ITGB6: variants seen among roughly 807,000 people sequenced by gnomAD.
ITGB6 encodes the protein integrin beta-6.
Under a neutral mutation model 84.5 loss-of-function variants are expected in ITGB6, and 80 were observed. The observed-to-expected ratio is 0.95, with a 90% CI of 0.79 to 1.14. The LOEUF is 1.14. Among genes scored for constraint, ITGB6 ranks in the 50% most tolerant of loss-of-function variants. The pLI is 0.00. For synonymous variants in ITGB6, 383 were observed against 354.9 expected, an observed-to-expected ratio of 1.08 and a Z score of -0.89; for missense variants, 1,006 against 968.0, an observed-to-expected ratio of 1.04 and a Z score of -0.52.
chr2:160,197,587 C>A (rs1181890995), intron 2 of ITGB6, among the ~76,000 whole-genome samples: 1 of 152,216 alleles, frequency 6.6e-6, no homozygotes, highest in Non-Finnish European at 1.5e-5. Flanking sequence ...GAACTCCAAG[C>A]CACTCTTGCT....
chr2:160,196,485 A>G, intron 2 of ITGB6, 65 bp from the exon 3 acceptor site: 1 of 1,388,638 alleles, frequency 7.2e-7, no homozygotes, highest in Non-Finnish European at 1.0e-6. Flanking sequence ...TTTATAAGAT[A>G]CCAGCAATTG....
In ITGB6 at chr2:160,173,886, G is replaced by T. The variant is rs530621657; in HGVS notation, c.759+88C>A. ...ATAGAAATTTAGAGATCAAAGGAAA[G>T]GAAATTAGCTAATCTTTTTGAAGTA... is the stretch of plus-strand genomic sequence containing the variant. On this transcript the variant is annotated intron_variant, in intron 5 of 14. Coordinates refer to ENST00000283249, the MANE Select transcript of ITGB6 (RefSeq NM_000888.5). 20 of 1,169,726 alleles carry T rather than the reference G, an allele frequency of 1.7e-5. No homozygotes were observed. In the African/African-American group the frequency reaches 2.4e-4, roughly 14 times the overall value. 72.5% of individuals were successfully genotyped at this position (1,169,726 alleles called of 1,614,324 possible). A position where few individuals can be genotyped will look rare whatever the true frequency, so the allele number is the denominator to read the frequency against.
At chr2:160,148,592 A>G (rs1458976132) in intron 7 of ITGB6, among the ~76,000 whole-genome samples, 1 of 152,150 alleles carries the variant, frequency 6.6e-6, no homozygotes, top group East Asian at 1.9e-4. Flanking sequence ...TCTCATTGGG[A>G]CTGGCTGGAC....
intron 12 of ITGB6, among the ~76,000 whole-genome samples, chr2:160,119,679 A>G (rs1232856989): frequency 1.3e-5 from 2 of 152,134 alleles, no homozygotes; most frequent in African/African-American, 4.8e-5. Flanking sequence ...ATCTAATTAA[A>G]CTAAAGGGCT....
At position 160,137,731 on chromosome 2, in the gene ITGB6, C is replaced by T. The variant is rs201552904; in HGVS notation, c.1363G>A (p.Asp455Asn). ...TTCACTTCCACTTCTTTCTGACAGT[C>T]GCAGTTGCATTCTGGGCTGACAAGT... ...ELLVSPECNCDCQKEVEVNSS... is the reference protein window; with the variant it reads ...ELLVSPECNCNCQKEVEVNSS... Residue 455 changes from aspartate to asparagine, a missense_variant, in exon 10 of 15, where the codon GAC (aspartate) becomes AAC (asparagine). Coordinates refer to ENST00000283249, the MANE Select transcript of ITGB6 (RefSeq NM_000888.5). 1.2e-4 allele frequency: 197 copies of T among 1,614,176 alleles called. No individual in the cohort carries two copies. The highest frequency in any genetic ancestry group is 4.4e-5 in the South Asian group (4 of 91,068).
Position 160,133,650 on chromosome 2 carries a change from G to T in ITGB6, c.1660+3784C>A, listed in dbSNP as rs972269275. ...CCTATTCCAAAATTGACCACATAGT[G>T]GGAAGTAAAGCACTCCTCAGCAAAT... On this transcript the variant is annotated intron_variant, in intron 10 of 14. Coordinates refer to ENST00000283249, the MANE Select transcript of ITGB6 (RefSeq NM_000888.5). Among the ~76,000 whole-genome samples, 11 of 152,082 alleles carry T rather than the reference G, an allele frequency of 7.2e-5. No homozygotes were observed. The South Asian group carries it at 1.5e-3, about 20-fold the overall frequency.
intron 4 of ITGB6, among the ~76,000 whole-genome samples, chr2:160,188,212 G>A (rs193095279): frequency 6.6e-6 from 1 of 152,076 alleles, no homozygotes; most frequent in Non-Finnish European, 1.5e-5. Context: ...ACAATTATAA[G>A]GTTTGGTTTG....
At chr2:160,133,258 C>T (rs1481592606) in intron 10 of ITGB6, among the ~76,000 whole-genome samples, 1 of 152,080 alleles carries the variant, frequency 6.6e-6, no homozygotes, top group Non-Finnish European at 1.5e-5. Context: ...GCAGGGGTTG[C>T]AATCCTAGTC....
intron 12 of ITGB6, among the ~76,000 whole-genome samples, chr2:160,119,513 A>T (rs1412261541): frequency 4.0e-5 from 6 of 151,828 alleles, no homozygotes; most frequent in Admixed American, 2.6e-4. Context: ...ACAAAAATTA[A>T]TTCAAGATGG....
intron 7 of ITGB6, among the ~76,000 whole-genome samples, chr2:160,163,074 A>C (rs982684208): frequency 6.6e-6 from 1 of 152,148 alleles, no homozygotes; most frequent in Non-Finnish European, 1.5e-5. Flanking sequence ...AGATGTGCTG[A>C]CCCAATGCAT....
chr2:160,133,620 C>T (rs577855401), intron 10 of ITGB6, among the ~76,000 whole-genome samples: 3 of 147,366 alleles, frequency 2.0e-5, no homozygotes, highest in Non-Finnish European at 4.7e-5. Flanking sequence ...CAGCACCACA[C>T]CACACCTATT....
intron 12 of ITGB6, among the ~76,000 whole-genome samples, chr2:160,119,407 C>T (rs1682931278): frequency 6.6e-6 from 1 of 151,942 alleles, no homozygotes; most frequent in African/African-American, 2.4e-5. Context: ...GAAAAACAAG[C>T]AATGGGGAAA....
chr2:160,188,516 C>T (rs1685996808), intron 4 of ITGB6, among the ~76,000 whole-genome samples: 1 of 152,144 alleles, frequency 6.6e-6, no homozygotes, highest in African/African-American at 2.4e-5. Flanking sequence ...TAATCACACC[C>T]TGTTTTTGTT....
chr2:160,113,764 ATG>A (rs1411043597), intron 12 of ITGB6, among the ~76,000 whole-genome samples: 1 of 152,170 alleles, frequency 6.6e-6, no homozygotes, highest in Non-Finnish European at 1.5e-5. Flanking sequence ...ATTTGGTGAG[ATG>A]TGTGTTATTT....
intron 4 of ITGB6, among the ~76,000 whole-genome samples, chr2:160,178,481 G>A (rs771880874): frequency 8.5e-5 from 13 of 152,114 alleles, no homozygotes; most frequent in South Asian, 2.1e-4. Context: ...AGAATTATCC[G>A]CTATGTAGAT....
intron 12 of ITGB6, among the ~76,000 whole-genome samples, chr2:160,121,445 T>A (rs1158996589): frequency 6.6e-6 from 1 of 152,232 alleles, no homozygotes; most frequent in Non-Finnish European, 1.5e-5. Context: ...TGGAATATAC[T>A]TTGAGAAACA....
chr2:160,189,249 T>C (rs948609247), intron 4 of ITGB6, among the ~76,000 whole-genome samples: 5 of 151,796 alleles, frequency 3.3e-5, no homozygotes, highest in South Asian at 4.2e-4. Context: ...CCATAAAAAC[T>C]CTAGAAGAAA....
At chr2:160,146,098 G>GTGAGGCATGCCCCTCATT (rs72368301) in intron 7 of ITGB6, among the ~76,000 whole-genome samples, 2 of 152,054 alleles carry the variant, frequency 1.3e-5, no homozygotes, top group East Asian at 1.9e-4. Flanking sequence ...TATAGACCAT[G>GTGAGGCATGCCCCTCATT]TGAGGCATGC....
At chr2:160,159,541 T>G (rs187114567) in intron 7 of ITGB6, among the ~76,000 whole-genome samples, 3 of 152,292 alleles carry the variant, frequency 2.0e-5, no homozygotes. Context: ...CCTGCTTACT[T>G]CCCACTGCCT....
Sources: gnomAD v4.1 joint callset for allele counts (sites outside exome capture counted in the v4.1 genomes callset) on GRCh38, gnomAD v4.1.1 for gene constraint, MANE v1.5 for transcripts, NCBI Gene and HGNC (gene_info 2026-07-23, HGNC 2026-07-21) for gene names.